Variants in SAC3D1 observed in about 807,000 individuals in gnomAD.
SAC3D1 encodes SAC3 domain-containing protein 1.
SAC3D1 carries 10 observed loss-of-function variants against 12.7 expected under a neutral mutation model. The observed-to-expected ratio is 0.79, with a 90% CI of 0.49 to 1.34. The LOEUF (loss-of-function observed/expected upper bound fraction) is 1.34, where lower values mean the gene tolerates loss of function less well. Among genes scored for constraint, SAC3D1 ranks in the 40% most tolerant of loss-of-function variants. The pLI is 0.00. For synonymous variants in SAC3D1, 241 were observed against 250.8 expected (o/e 0.96, Z 0.37); for missense variants, 482 against 531.1 (o/e 0.91, Z 0.91).
In SAC3D1 at chr11:65,044,253, A is replaced by G; in HGVS notation, c.603A>G (p.Leu201=). The G allele has an allele frequency of 6.2e-7, 1 of 1,612,888 alleles. No homozygotes were observed. Among genetic ancestry groups the G allele is most frequent in the Middle Eastern group, 1.7e-4 (1 of 6,030 alleles). Residue 201 remains leucine, a synonymous_variant, in exon 2 of 2, where the codon CTA becomes CTG. Transcript: ENST00000652489. The surrounding 1 kb of genome is among the most constrained non-coding windows in gnomAD (Gnocchi z 4.0). ...CGGTGGAAGCCCTGCATGAGGTTCT[A>G]CAGCTGCCTGCTGCCCTGCGCGCCT... is the stretch of plus-strand genomic sequence containing the variant. ...LGSVEALHEV[L]QLPAALRACP...
chr11:65,041,434 C>G lies in SAC3D1; in HGVS notation c.142C>G (p.Gln48Glu). 1 of 1,503,332 alleles carries G rather than the reference C, an allele frequency of 6.7e-7. No homozygotes were observed. Among genetic ancestry groups the G allele is most frequent in the Non-Finnish European group, 8.8e-7 (1 of 1,133,014 alleles). The allele number at this position is 1,503,332 out of a possible 1,614,324, so 93.1% of individuals were successfully genotyped here. The change falls in exon 1 of 2, where the codon CAG becomes GAG. Residue 48 changes from glutamine (Q) to glutamate (E), a missense_variant. Physicochemically the swap from Gln to Glu is conservative, Grantham distance 29. Coordinates refer to ENST00000652489, the MANE Select transcript of SAC3D1 (RefSeq NM_013299.4). ...CCAGGACCCGCCCCGCGCGGATCCG[C>G]AGCGCGCGGTGAAGGAGTACAGCCG... ...CRQDPPRADP[Q>E]RAVKEYSRPA...
rs755392990 is a variant in SAC3D1, at chr11:65,044,411, G to A, written c.761G>A (p.Arg254His). ...GTGCAGTGCCATGTGGGCCATGCCC[G>A]CCGGGAAGCCCTGGCCCGCTTCGCT... The part of the protein sequence containing the change: ...CAVQCHVGHA[R>H]REALARFARA... Residue 254 changes from arginine to histidine, a missense_variant, in exon 2 of 2, where the codon CGC becomes CAC. Coordinates refer to ENST00000652489, the MANE Select transcript of SAC3D1 (RefSeq NM_013299.4). The surrounding 1 kb of genome is among the most constrained non-coding windows in gnomAD (Gnocchi z 4.0). 20 of 1,613,564 alleles carry A rather than the reference G, an allele frequency of 1.2e-5. No homozygotes were observed. The highest frequency in any genetic ancestry group is 5.5e-5 in the South Asian group (5 of 91,084).
rs1590746865 is a variant in SAC3D1, at chr11:65,041,449, G to C, written c.157G>C (p.Glu53Gln). 2.0e-6 allele frequency: 3 copies of C among 1,489,888 alleles called. No individual in the cohort carries two copies. Among genetic ancestry groups the C allele is most frequent in the South Asian group, 1.3e-5 (1 of 79,498 alleles). 92.3% of individuals were successfully genotyped at this position (1,489,888 alleles called of 1,614,324 possible). ...PRADPQRAVKEYSRPAAGKPR... is the reference protein window; with the variant it reads ...PRADPQRAVKQYSRPAAGKPR... ...CGCGGATCCGCAGCGCGCGGTGAAGGAGTACAGCCGACCCGCCGCCGGCAA... is the reference window on the plus strand; with the variant it reads ...CGCGGATCCGCAGCGCGCGGTGAAGCAGTACAGCCGACCCGCCGCCGGCAA... Residue 53 changes from glutamate to glutamine, a missense_variant, in exon 1 of 2, where the codon GAG (glutamate) becomes CAG (glutamine). Glu to Gln is a conservative substitution (Grantham distance 29). Transcript: ENST00000652489.
In SAC3D1 at chr11:65,041,270, C is replaced by A; in HGVS notation, c.-23C>A. The A allele has an allele frequency of 6.7e-7, 1 of 1,490,770 alleles. No individual in the cohort carries two copies. The highest frequency in any genetic ancestry group is 2.8e-5 in the East Asian group (1 of 35,620). 92.3% of individuals were successfully genotyped at this position (1,490,770 alleles called of 1,614,324 possible). On this transcript the variant is annotated 5_prime_UTR_variant, in exon 1 of 2. Coordinates refer to ENST00000652489, the MANE Select transcript of SAC3D1 (RefSeq NM_013299.4). ...TGCCGTCCCCGGGATGCTGAGCGCCCACCGTCTCCCCGCAGCCCCCTCATG... is the reference window on the plus strand; with the variant it reads ...TGCCGTCCCCGGGATGCTGAGCGCCAACCGTCTCCCCGCAGCCCCCTCATG...
intron 1 of SAC3D1, among the ~76,000 whole-genome samples, chr11:65,042,302 G>T (rs1946623238): frequency 6.6e-6 from 1 of 151,984 alleles, no homozygotes; most frequent in Non-Finnish European, 1.5e-5. Flanking sequence ...TCACCATGTT[G>T]GTCAGGCTGG....
At chr11:65,043,615 CAAAAAAAAAAAAAA>C (rs58109119) in intron 1 of SAC3D1, among the ~76,000 whole-genome samples, 6 of 56,198 alleles carry the variant, frequency 1.1e-4, no homozygotes, top group Middle Eastern at 0.017. Flanking sequence ...AAGTCTGTCT[CAAAAAAAAAAAAAA>C]AAAAAAAAAA....
At position 65,044,650 on chromosome 11, in the gene SAC3D1, C is replaced by G; in HGVS notation, c.1000C>G (p.Arg334Gly). 1 of 1,613,780 alleles carries G rather than the reference C, an allele frequency of 6.2e-7. No homozygotes were observed. Among genetic ancestry groups the G allele is most frequent in the Non-Finnish European group, 8.5e-7 (1 of 1,180,012 alleles). Residue 334 changes from arginine to glycine, a missense_variant, in exon 2 of 2, where the codon CGA becomes GGA. Physicochemically the swap from Arg to Gly is moderately radical, Grantham distance 125. Coordinates refer to ENST00000652489, the MANE Select transcript of SAC3D1 (RefSeq NM_013299.4). The surrounding 1 kb of genome is among the most constrained non-coding windows in gnomAD (Gnocchi z 4.0). ...TCKVLVESKL[R>G]GRTLEEVVMA... Reference sequence around the variant, plus strand: ...CAAGGTGTTAGTGGAGAGCAAACTTCGAGGACGTACCCTGGAGGAGGTGGT... The same window carrying G: ...CAAGGTGTTAGTGGAGAGCAAACTTGGAGGACGTACCCTGGAGGAGGTGGT...
intron 1 of SAC3D1, 28 bp downstream of exon 1, chr11:65,041,894 G>A: frequency 7.1e-7 from 1 of 1,406,420 alleles, no homozygotes; most frequent in South Asian, 1.5e-5. Flanking sequence ...CGGCTGGGCA[G>A]AGCGTGGGGA....
In SAC3D1 at chr11:65,041,220, G is replaced by A. The variant is rs927949678; in HGVS notation, c.-73G>A. 2 of 1,382,196 alleles carry A rather than the reference G, an allele frequency of 1.4e-6. No individual in the cohort carries two copies. Among genetic ancestry groups the A allele is most frequent in the Non-Finnish European group, 1.9e-6 (2 of 1,049,324 alleles). The allele number at this position is 1,382,196 out of a possible 1,614,324, so 85.6% of individuals were successfully genotyped here. On this transcript the variant is annotated 5_prime_UTR_variant, in exon 1 of 2. Transcript: ENST00000652489. ...ACCCGCCGCTCCCCACCCCCCGGCC[G>A]GCCTCGCGTGCCTTCCCGCAGCACT...
At position 65,041,340 on chromosome 11, in the gene SAC3D1, G is replaced by A. The variant is rs1946592259; in HGVS notation, c.48G>A (p.Pro16=). ...LPVGTCPDMC[P]AAERAQRERE... ...TGGGCACCTGCCCGGACATGTGCCCGGCCGCCGAGCGCGCCCAGCGCGAAA... is the reference window on the plus strand; with the variant it reads ...TGGGCACCTGCCCGGACATGTGCCCAGCCGCCGAGCGCGCCCAGCGCGAAA... The change falls in exon 1 of 2, where the codon CCG becomes CCA. Residue 16 remains proline (P), a synonymous_variant. Transcript: ENST00000652489. The A allele has an allele frequency of 3.3e-6, 5 of 1,509,930 alleles. No individual in the cohort carries two copies. The highest frequency in any genetic ancestry group is 4.4e-6 in the Non-Finnish European group (5 of 1,136,526). The allele number at this position is 1,509,930 out of a possible 1,614,324, so 93.5% of individuals were successfully genotyped here. A position where few individuals can be genotyped will look rare whatever the true frequency, so the allele number is the denominator to read the frequency against.
At position 65,041,411 on chromosome 11, in the gene SAC3D1, A is replaced by AGGACCCGCCCCGCGC. The variant is rs1269577897; in HGVS notation, c.123_137dup (p.Pro43_Pro47dup). The stretch of plus-strand genomic sequence containing the variant: ...TTGGAGGTGGTGCCGGGTTGCCGCC[A>AGGACCCGCCCCGCGC]GGACCCGCCCCGCGCGGATCCGCAG... On this transcript the variant is annotated inframe_insertion, in exon 1 of 2. Transcript: ENST00000652489. 15 of 1,505,996 alleles carry AGGACCCGCCCCGCGC rather than the reference A, an allele frequency of 1.0e-5. No homozygotes were observed. The highest frequency in any genetic ancestry group is 8.0e-5 in the East Asian group (3 of 37,694). The allele number at this position is 1,505,996 out of a possible 1,614,324, so 93.3% of individuals were successfully genotyped here. A position where few individuals can be genotyped will look rare whatever the true frequency, so the allele number is the denominator to read the frequency against.
chr11:65,042,005 G>A (rs1177817887), intron 1 of SAC3D1, 139 bp downstream of exon 1: 25 of 1,153,292 alleles, frequency 2.2e-5, no homozygotes, highest in Non-Finnish European at 2.7e-5. Flanking sequence ...ACCGAGCCCC[G>A]ACGTGGGACC....
chr11:65,041,608 C>G lies in SAC3D1; in HGVS notation c.316C>G (p.Arg106Gly). The change falls in exon 1 of 2, where the codon CGA becomes GGA. Residue 106 changes from arginine (R) to glycine (G), a missense_variant. By Grantham distance (125) the Arg-to-Gly change is moderately radical. This residue lies in a region of SAC3D1 where 197 missense variants were observed against 183.2 expected (regional missense o/e 1.08). Transcript: ENST00000652489. ...GGCCAGCTTCGTGGCAGACCGCTTG[C>G]GAGCTGTGCTCCTGGACCTGGCGCT... is the stretch of plus-strand genomic sequence containing the variant. ...EVASFVADRL[R>G]AVLLDLALQG... 1 of 1,471,286 alleles carries G rather than the reference C, an allele frequency of 6.8e-7. No individual in the cohort carries two copies. The highest frequency in any genetic ancestry group is 3.0e-5 in the East Asian group (1 of 33,810). The allele number at this position is 1,471,286 out of a possible 1,614,324, so 91.1% of individuals were successfully genotyped here.
At chr11:65,042,647 T>C (rs553456318) in intron 1 of SAC3D1, among the ~76,000 whole-genome samples, 1 of 152,212 alleles carries the variant, frequency 6.6e-6, no homozygotes, top group African/African-American at 2.4e-5. Flanking sequence ...GTTCAGGCTA[T>C]TCGCCTGCGT....
chr11:65,041,360 G>C lies in SAC3D1; in HGVS notation c.68G>C (p.Arg23Pro), dbSNP rs979767140. 1 of 1,510,028 alleles carries C rather than the reference G, an allele frequency of 6.6e-7. No homozygotes were observed. Among genetic ancestry groups the C allele is most frequent in the Non-Finnish European group, 8.8e-7 (1 of 1,136,500 alleles). The allele number at this position is 1,510,028 out of a possible 1,614,324, so 93.5% of individuals were successfully genotyped here. The change falls in exon 1 of 2, where the codon CGC (arginine) becomes CCC (proline). Residue 23 changes from arginine (R) to proline (P), a missense_variant. Coordinates refer to ENST00000652489, the MANE Select transcript of SAC3D1 (RefSeq NM_013299.4). ...DMCPAAERAQ[R>P]EREHRLHRLE... ...TGCCCGGCCGCCGAGCGCGCCCAGCGCGAAAGGGAGCACCGCCTGCACCGC... is the reference window on the plus strand; with the variant it reads ...TGCCCGGCCGCCGAGCGCGCCCAGCCCGAAAGGGAGCACCGCCTGCACCGC...
intron 1 of SAC3D1, among the ~76,000 whole-genome samples, chr11:65,043,818 T>TG (rs1415736020): frequency 6.6e-6 from 1 of 151,810 alleles, no homozygotes; most frequent in Non-Finnish European, 1.5e-5. Flanking sequence ...CAGGGGAAAG[T>TG]GGGGCAGAGT....
Position 65,043,297 on chromosome 11 carries a change from T to G in SAC3D1, c.575-928T>G, listed in dbSNP as rs1268826808. 4 of 206,010 alleles carry G rather than the reference T, an allele frequency of 1.9e-5. No homozygotes were observed. In the South Asian group the frequency reaches 2.1e-4, roughly 11 times the overall value. 12.8% of individuals were successfully genotyped at this position (206,010 alleles called of 1,614,324 possible). A position where few individuals can be genotyped will look rare whatever the true frequency, so the allele number is the denominator to read the frequency against. On this transcript the variant is annotated intron_variant, in intron 1 of 1. Coordinates refer to ENST00000652489, the MANE Select transcript of SAC3D1 (RefSeq NM_013299.4). ...TTCTTTTCTTTTAATTTTTTAAAAT[T>G]TATTTTTATATAGGGATTGGAGTCT...
chr11:65,043,251 A>G (rs900658870), intron 1 of SAC3D1: 1 of 211,758 alleles, frequency 4.7e-6, no homozygotes, highest in African/African-American at 2.4e-5. Flanking sequence ...GGTTAACAGT[A>G]GTAGTGGCAG....
Position 65,044,736 on chromosome 11 carries a change from C to G in SAC3D1, c.*9C>G, listed in dbSNP as rs758210249. 2.5e-6 allele frequency: 4 copies of G among 1,608,226 alleles called. No homozygotes were observed. In the African/African-American group the frequency reaches 5.3e-5, roughly 21 times the overall value. The stretch of plus-strand genomic sequence containing the variant: ...CTGGGTCCCCAGCCTGAGGAGGGAG[C>G]GTGAGCCTCCCAGAGCCCCAGGACT... On this transcript the variant is annotated 3_prime_UTR_variant, in exon 2 of 2. Transcript: ENST00000652489. The surrounding 1 kb of genome is among the most constrained non-coding windows in gnomAD (Gnocchi z 4.0).
Sources: allele counts gnomAD v4.1 joint callset (sites outside exome capture counted in the v4.1 genomes callset), GRCh38; gene constraint gnomAD v4.1.1; regional missense constraint gnomAD v4.1.1; non-coding constraint Gnocchi (gnomAD v3.1); transcripts MANE v1.5; gene names NCBI Gene and HGNC (gene_info 2026-07-23, HGNC 2026-07-21).